The following SH3BP5 variants were observed in gnomAD, a reference collection of about 807,000 sequenced individuals.
SH3BP5 encodes SH3 domain binding protein 5, also known as SH3 domain-binding protein 5.
A neutral mutation model predicts 43.3 loss-of-function variants in SH3BP5; 22 were observed. That is an observed-to-expected ratio of 0.51 (90% CI 0.36 to 0.73). SH3BP5 has a LOEUF of 0.73. Ranked by LOEUF, SH3BP5 falls within the 30% of genes least tolerant of loss-of-function variation. The pLI is 0.00. For synonymous variants in SH3BP5, 255 were observed against 225.8 expected (o/e 1.13, Z -1.16); for missense variants, 529 against 586.9 (o/e 0.90, Z 1.02).
intron 2 of SH3BP5, among the ~76,000 whole-genome samples, chr3:15,308,298 C>T (rs1697965405): frequency 6.6e-6 from 1 of 152,204 alleles, no homozygotes; most frequent in Non-Finnish European, 1.5e-5. Context: ...GCTTTAACCC[C>T]ACCAATTTGT....
intron 2 of SH3BP5, among the ~76,000 whole-genome samples, chr3:15,312,263 C>A (rs1037207634): frequency 6.6e-6 from 1 of 152,086 alleles, no homozygotes; most frequent in Non-Finnish European, 1.5e-5. Context: ...AAAAGACTTG[C>A]GAAAGCATGT....
chr3:15,265,761 T>A (rs995417821), intron 4 of SH3BP5, among the ~76,000 whole-genome samples: 3 of 151,494 alleles, frequency 2.0e-5, no homozygotes, highest in African/African-American at 7.3e-5. Context: ...GGCTCAGGGG[T>A]AGGTGTGGCA....
chr3:15,263,533 G>A (rs1257731201), intron 4 of SH3BP5, among the ~76,000 whole-genome samples: 1 of 152,188 alleles, frequency 6.6e-6, no homozygotes, highest in Non-Finnish European at 1.5e-5. Flanking sequence ...AGATTTTGAG[G>A]TACACAAACA....
chr3:15,287,082 C>T (rs1374227366), intron 3 of SH3BP5, among the ~76,000 whole-genome samples: 1 of 152,172 alleles, frequency 6.6e-6, no homozygotes, highest in East Asian at 1.9e-4. Flanking sequence ...AGTTACCTCA[C>T]CTGCAAAACA....
rs539761803 is a variant in SH3BP5 at position 15,330,583 on chromosome 3, G to A, written c.139-17C>T. 98 of 1,572,504 alleles carry A rather than the reference G, an allele frequency of 6.2e-5. No individual in the cohort carries two copies. In the South Asian group the frequency reaches 8.1e-4, roughly 13 times the overall value. On this transcript the variant is annotated splice_polypyrimidine_tract_variant and intron_variant, in intron 1 of 8. Transcript: ENST00000383791. ...CAGTTCTCCCTGGTGAAGAAAAGAG[G>A]GAGAAAAAAAGACTTAAGGGATCCG...
At chr3:15,308,064 A>C (rs1697959152) in intron 2 of SH3BP5, among the ~76,000 whole-genome samples, 1 of 152,246 alleles carries the variant, frequency 6.6e-6, no homozygotes, top group African/African-American at 2.4e-5. Flanking sequence ...GCAGAGCAGA[A>C]GGTGCCCCCT....
chr3:15,295,507 G>A (rs1276363312), intron 3 of SH3BP5, among the ~76,000 whole-genome samples: 1 of 152,168 alleles, frequency 6.6e-6, no homozygotes, highest in Non-Finnish European at 1.5e-5. Context: ...TGGCCTCCAA[G>A]TATAGCAATT....
intron 3 of SH3BP5, among the ~76,000 whole-genome samples, chr3:15,278,634 C>T (rs1398077859): frequency 6.6e-6 from 1 of 152,212 alleles, no homozygotes; most frequent in Admixed American, 6.5e-5. Context: ...CCTTTGAAAA[C>T]ATCTTCTGGA....
At chr3:15,324,336 T>C (rs1271257724) in intron 2 of SH3BP5, among the ~76,000 whole-genome samples, 2 of 152,130 alleles carry the variant, frequency 1.3e-5, no homozygotes, top group Non-Finnish European at 2.9e-5. Flanking sequence ...CCCACTACAA[T>C]TGCTTGCTTG....
At chr3:15,286,354 GGTATTGCCAAGCAAA>G (rs1697265726) in intron 3 of SH3BP5, among the ~76,000 whole-genome samples, 2 of 152,194 alleles carry the variant, frequency 1.3e-5, no homozygotes, top group South Asian at 4.1e-4. Context: ...ATTTCCACCT[GGTATTGCCAAGCAAA>G]GCAGGTCTGA....
chr3:15,295,407 A>T (rs555962835), intron 3 of SH3BP5, among the ~76,000 whole-genome samples: 1 of 152,310 alleles, frequency 6.6e-6, no homozygotes, highest in East Asian at 1.9e-4. Flanking sequence ...TTTGGCTCTC[A>T]TACTGTACAC....
At chr3:15,336,162 G>A (rs1219744857), upstream of SH3BP5, among the ~76,000 whole-genome samples, 1 of 152,044 alleles carries the variant, frequency 6.6e-6, no homozygotes, top group South Asian at 2.1e-4. Context: ...AAATGAGAAA[G>A]CGTACCACAT....
chr3:15,258,675 A>C (rs1022225220), intron 7 of SH3BP5, 156 bp downstream of exon 7: 6 of 621,854 alleles, frequency 9.6e-6, no homozygotes, highest in African/African-American at 7.4e-5. Flanking sequence ...CTTAATGAAC[A>C]CAGTGTTCCA....
At chr3:15,317,404 G>A (rs1254976145) in intron 2 of SH3BP5, among the ~76,000 whole-genome samples, 1 of 152,130 alleles carries the variant, frequency 6.6e-6, no homozygotes, top group African/African-American at 2.4e-5. Context: ...TAATCAAAAT[G>A]TTAAGAAAGG....
chr3:15,270,324 A>C (rs1217384360), intron 3 of SH3BP5, among the ~76,000 whole-genome samples: 1 of 152,088 alleles, frequency 6.6e-6, no homozygotes. Context: ...TAGAAGGGGG[A>C]CCTTAGCTGA....
chr3:15,295,805 G>C lies in SH3BP5; in HGVS notation c.330+8298C>G, dbSNP rs865859566. Reference sequence around the variant, plus strand: ...GTGGATTATCTGGCACTAAGCCTGAGAGGTCATGACAGATTAAAAAAGCAG... The same window carrying C: ...GTGGATTATCTGGCACTAAGCCTGACAGGTCATGACAGATTAAAAAAGCAG... On this transcript the variant is annotated intron_variant, in intron 3 of 8. Transcript: ENST00000383791. Among the ~76,000 whole-genome samples, 6 of 152,324 alleles carry C rather than the reference G, an allele frequency of 3.9e-5. No homozygotes were observed. In the Middle Eastern group the frequency reaches 0.01, roughly 261 times the overall value.
At position 15,322,917 on chromosome 3, in the gene SH3BP5, G is replaced by A. The variant is rs546366511; in HGVS notation, c.201+7587C>T. Among the ~76,000 whole-genome samples the A allele has an allele frequency of 2.6e-5, 4 of 152,060 alleles. No homozygotes were observed. In the South Asian group the frequency reaches 8.3e-4, roughly 32 times the overall value. Reference sequence around the variant, plus strand: ...AGCACTTTGGGAGGCTGCAGTAGGCGAATCATTTGAGGTCAGGAGTTGACC... The same window carrying A: ...AGCACTTTGGGAGGCTGCAGTAGGCAAATCATTTGAGGTCAGGAGTTGACC... On this transcript the variant is annotated intron_variant, in intron 2 of 8. Transcript: ENST00000383791.
chr3:15,258,217 G>A (rs575157556), intron 7 of SH3BP5: 53 of 152,314 alleles, frequency 3.5e-4, no homozygotes, highest in African/African-American at 1.2e-3. Flanking sequence ...CAAAGACAGC[G>A]TTGGGTGGGT....
At chr3:15,267,624 A>G (rs970067643) in intron 4 of SH3BP5, among the ~76,000 whole-genome samples, 6 of 152,182 alleles carry the variant, frequency 3.9e-5, no homozygotes, top group African/African-American at 7.2e-5. Flanking sequence ...CCAGGGCCCT[A>G]TGAAGCCCTC....
Sources: allele counts gnomAD v4.1 joint callset (sites outside exome capture counted in the v4.1 genomes callset), GRCh38; gene constraint gnomAD v4.1.1; transcripts MANE v1.5; gene names NCBI Gene and HGNC (gene_info 2026-07-23, HGNC 2026-07-21).